EFCAB5: variants seen among roughly 807,000 people sequenced by gnomAD.
EFCAB5 encodes the protein EF-hand calcium-binding domain-containing protein 5.
Under a neutral mutation model 167.9 loss-of-function variants are expected in EFCAB5, and 131 were observed. The ratio of observed to expected loss-of-function variants is 0.78; its 90% CI spans 0.68 to 0.90. The LOEUF (loss-of-function observed/expected upper bound fraction) is 0.90. EFCAB5 is among the 40% of genes least tolerant of loss of function. The pLI, the probability that EFCAB5 is intolerant of heterozygous loss-of-function variation, is 0.00. For missense variants in EFCAB5, 1,663 were observed against 1,745.2 expected (o/e 0.95, Z 0.84); for synonymous variants, 574 against 602.8 (o/e 0.95, Z 0.70).
chr17:30,024,924 G>A (rs1250692216), intron 7 of EFCAB5, among the ~76,000 whole-genome samples: 1 of 151,010 alleles, frequency 6.6e-6, no homozygotes, highest in Admixed American at 6.6e-5. Context: ...AGAAAAACAA[G>A]CAATGGGGAA....
At position 30,089,562 on chromosome 17, in the gene EFCAB5, T is replaced by C. The variant is rs530939487; in HGVS notation, c.3684-859T>C. Among the ~76,000 whole-genome samples, 3 of 152,244 alleles carry C rather than the reference T, an allele frequency of 2.0e-5. No individual in the cohort carries two copies. In the East Asian group the frequency reaches 5.8e-4, roughly 29 times the overall value. On this transcript the variant is annotated intron_variant, in intron 19 of 22. Transcript: ENST00000394835. ...GAAAGAAGCAGCCACCACATTTCCA[T>C]GAAAATCTCAAGTCTCTCACTGAGG... is the stretch of plus-strand genomic sequence containing the variant.
rs1391452121 is a variant in EFCAB5, at chr17:30,024,954, A to G, written c.1045-9276A>G. Among the ~76,000 whole-genome samples the G allele has an allele frequency of 4.1e-4, 62 of 151,346 alleles. No individual in the cohort carries two copies. The East Asian group carries it at 0.011, about 27-fold the overall frequency. Reference sequence around the variant, plus strand: ...GGGGAAAGGATTCCCTATTTAATCAATGGTGCTGGGAAAACTGGCTAGCCA... The same window carrying G: ...GGGGAAAGGATTCCCTATTTAATCAGTGGTGCTGGGAAAACTGGCTAGCCA... On this transcript the variant is annotated intron_variant, in intron 7 of 22. Coordinates refer to ENST00000394835, the MANE Select transcript of EFCAB5 (RefSeq NM_198529.4).
rs1461106804 is a variant in EFCAB5 at position 30,036,252 on chromosome 17, G to T, written c.1200+1867G>T. Among the ~76,000 whole-genome samples, 7 of 132,956 alleles carry T rather than the reference G, an allele frequency of 5.3e-5. No individual in the cohort carries two copies. The South Asian group carries it at 6.8e-4, about 13-fold the overall frequency. The allele number at this position is 132,956 out of a possible 152,430, so 87.2% of individuals were successfully genotyped here. A position where few individuals can be genotyped will look rare whatever the true frequency, so the allele number is the denominator to read the frequency against. The stretch of plus-strand genomic sequence containing the variant: ...TATAATGTATGTATATATAAATATA[G>T]AATATACATATATAATATATAATTA... On this transcript the variant is annotated intron_variant, in intron 8 of 22. Coordinates refer to ENST00000394835, the MANE Select transcript of EFCAB5 (RefSeq NM_198529.4).
intron 14 of EFCAB5, chr17:30,073,134 C>A (rs1262543586): frequency 1.4e-6 from 1 of 698,612 alleles, no homozygotes; most frequent in Non-Finnish European, 2.6e-6. Context: ...TAGCTCACTG[C>A]AGCCTCCAAC....
chr17:30,025,123 G>A (rs989055112), intron 7 of EFCAB5, among the ~76,000 whole-genome samples: 10 of 151,880 alleles, frequency 6.6e-5, no homozygotes, highest in African/African-American at 2.4e-4. Flanking sequence ...CATAGGCATG[G>A]GCAAGGACCA....
intron 7 of EFCAB5, among the ~76,000 whole-genome samples, chr17:30,013,367 A>G (rs2068953200): frequency 6.6e-6 from 1 of 151,748 alleles, no homozygotes; most frequent in South Asian, 2.1e-4. Context: ...GAATAGTTTC[A>G]GAAGGAATGG....
At chr17:29,941,541 G>A, upstream of EFCAB5, 1 of 305,862 alleles carries the variant, frequency 3.3e-6, no homozygotes, top group Non-Finnish European at 6.0e-6. Flanking sequence ...ACTATGGTGA[G>A]TTTTCTTGTC....
At chr17:29,997,330 A>G (rs2068567849) in intron 6 of EFCAB5, among the ~76,000 whole-genome samples, 1 of 152,096 alleles carries the variant, frequency 6.6e-6, no homozygotes, top group East Asian at 1.9e-4. Flanking sequence ...AGAAGACGTA[A>G]TAGAGTAGTC....
At chr17:30,068,788 C>T (rs1008117338) in intron 14 of EFCAB5, 8 of 1,350,620 alleles carry the variant, frequency 5.9e-6, no homozygotes, top group Non-Finnish European at 8.5e-6. Flanking sequence ...CAGCCGGGCC[C>T]GCGAAATGAT....
chr17:30,049,893 G>A (rs1022985428), intron 8 of EFCAB5, among the ~76,000 whole-genome samples: 2 of 152,156 alleles, frequency 1.3e-5, no homozygotes, highest in African/African-American at 4.8e-5. Flanking sequence ...GTTTGCATAT[G>A]TACACAGGAG....
chr17:30,011,572 G>GA (rs2151682136), intron 7 of EFCAB5, among the ~76,000 whole-genome samples: 1 of 152,250 alleles, frequency 6.6e-6, no homozygotes, highest in Non-Finnish European at 1.5e-5. Context: ...TAGCAATTGT[G>GA]AATGGGAGTT....
At chr17:29,993,093 AT>A (rs2068457934) in intron 4 of EFCAB5, 71 bp from the exon 5 acceptor site, 1 of 1,386,140 alleles carries the variant, frequency 7.2e-7, no homozygotes, top group Non-Finnish European at 9.5e-7. Flanking sequence ...GAGAGTCTGA[AT>A]TCCTGTGTTC....
intron 19 of EFCAB5, among the ~76,000 whole-genome samples, chr17:30,088,156 T>C (rs1406621857): frequency 1.3e-5 from 2 of 152,228 alleles, no homozygotes; most frequent in Non-Finnish European, 2.9e-5. Flanking sequence ...GAGTTCTCAC[T>C]GTGTCACCCA....
chr17:29,963,822 G>A (rs2067770218), intron 3 of EFCAB5, among the ~76,000 whole-genome samples: 1 of 152,146 alleles, frequency 6.6e-6, no homozygotes, highest in African/African-American at 2.4e-5. Context: ...GGAGGTTTTT[G>A]GGTTATGGGG....
chr17:30,070,907 G>A (rs889920297), intron 14 of EFCAB5, among the ~76,000 whole-genome samples: 10 of 125,936 alleles, frequency 7.9e-5, no homozygotes, highest in South Asian at 2.6e-4. Flanking sequence ...CCGAGATTGC[G>A]CCACTGCACT....
At chr17:30,106,599 G>C (rs906495240) in intron 22 of EFCAB5, among the ~76,000 whole-genome samples, 1 of 152,056 alleles carries the variant, frequency 6.6e-6, no homozygotes, top group East Asian at 1.9e-4. Flanking sequence ...TGGGATCACA[G>C]GTGCCCACCA....
intron 22 of EFCAB5, among the ~76,000 whole-genome samples, chr17:30,098,318 A>T (rs1339446480): frequency 6.6e-6 from 1 of 151,484 alleles, no homozygotes; most frequent in Admixed American, 6.6e-5. Context: ...TGAGCCCAGG[A>T]GTTCAAGAGC....
intron 3 of EFCAB5, among the ~76,000 whole-genome samples, chr17:29,945,436 T>C (rs1482603856): frequency 1.3e-5 from 2 of 152,020 alleles, no homozygotes; most frequent in Non-Finnish European, 2.9e-5. Context: ...CTTGCACTTG[T>C]TGTGGTGGCT....
chr17:30,005,336 G>A (rs1005248395), intron 7 of EFCAB5, among the ~76,000 whole-genome samples: 2 of 151,996 alleles, frequency 1.3e-5, no homozygotes, highest in African/African-American at 2.4e-5. Context: ...GCAAGACCTT[G>A]TCTCAAACAA....
Sources: allele counts gnomAD v4.1 joint callset (sites outside exome capture counted in the v4.1 genomes callset), GRCh38; gene constraint gnomAD v4.1.1; transcripts MANE v1.5; gene names NCBI Gene and HGNC (gene_info 2026-07-23, HGNC 2026-07-21).